Variants in FAM107B observed in about 807,000 individuals in gnomAD.
FAM107B encodes the protein protein FAM107B.
Under a neutral mutation model 31.5 loss-of-function variants are expected in FAM107B, and 21 were observed. That is an observed-to-expected ratio of 0.67 (90% CI 0.47 to 0.96). The LOEUF is 0.96. FAM107B is among the 40% of genes least tolerant of loss of function. The pLI, the probability that FAM107B is intolerant of heterozygous loss-of-function variation, is 0.00. For missense variants in FAM107B, 452 were observed against 377.1 expected (o/e 1.20, Z -1.64); for synonymous variants, 157 against 141.5 (o/e 1.11, Z -0.78).
chr10:14,644,911 A>C (rs1264422945), intron 2 of FAM107B, among the ~76,000 whole-genome samples: 1 of 152,220 alleles, frequency 6.6e-6, no homozygotes, highest in African/African-American at 2.4e-5. Context: ...AAGAAGGGAT[A>C]TACATAGCAT....
chr10:14,630,419 A>G (rs1386447975), intron 2 of FAM107B, among the ~76,000 whole-genome samples: 11 of 152,178 alleles, frequency 7.2e-5, no homozygotes, highest in Non-Finnish European at 1.0e-4. Flanking sequence ...CAAGAAAAAA[A>G]AATGCACTGA....
intron 2 of FAM107B, among the ~76,000 whole-genome samples, chr10:14,604,025 G>T (rs955269690): frequency 1.9e-4 from 28 of 145,806 alleles, no homozygotes; most frequent in African/African-American, 6.9e-4. Context: ...CGGCCCCGCC[G>T]CGTGCCCGCC....
chr10:14,634,166 G>A (rs759772058), intron 2 of FAM107B, among the ~76,000 whole-genome samples: 1 of 152,198 alleles, frequency 6.6e-6, no homozygotes, highest in African/African-American at 2.4e-5. Context: ...GGAGGCCAAG[G>A]TGGGTGGATC....
intron 1 of FAM107B, among the ~76,000 whole-genome samples, chr10:14,688,456 T>TAC (rs1480654484): frequency 5.3e-5 from 8 of 152,218 alleles, no homozygotes; most frequent in African/African-American, 1.9e-4. Context: ...CAGGCATGCA[T>TAC]ACACACACAT....
intron 2 of FAM107B, among the ~76,000 whole-genome samples, chr10:14,570,233 G>GGTGTGTGTGTGTGTGTGT (rs57206586): frequency 4.3e-5 from 6 of 140,426 alleles, no homozygotes; most frequent in South Asian, 4.4e-4. Context: ...AAATGTGGTG[G>GGTGTGTGTGTGTGTGTGT]GTGTGTGTGT....
At chr10:14,697,775 G>C (rs1247223474) in intron 1 of FAM107B, among the ~76,000 whole-genome samples, 2 of 152,178 alleles carry the variant, frequency 1.3e-5, no homozygotes, top group Admixed American at 1.3e-4. Context: ...CTTTATTGCT[G>C]TGAGGCCACT....
chr10:14,521,258 C>T lies in FAM107B; in HGVS notation c.853G>A (p.Glu285Lys). The T allele has an allele frequency of 2.5e-6, 4 of 1,614,090 alleles. No homozygotes were observed. The highest frequency in any genetic ancestry group is 3.4e-6 in the Non-Finnish European group (4 of 1,180,000). ...KLQEEQENAP[E>K]FVKVKGNLRR... ...AGATTGCCTTTCACCTTCACAAACTCGGGGGCATTTTCTTGCTCTTCTTGC... is the reference window on the plus strand; with the variant it reads ...AGATTGCCTTTCACCTTCACAAACTTGGGGGCATTTTCTTGCTCTTCTTGC... The change falls in exon 5 of 5, where the codon GAG becomes AAG. Residue 285 changes from glutamate (E) to lysine (K), a missense_variant. Transcript: ENST00000181796.
At chr10:14,737,108 C>T (rs1194458638) in intron 1 of FAM107B, among the ~76,000 whole-genome samples, 4 of 152,096 alleles carry the variant, frequency 2.6e-5, no homozygotes, top group Non-Finnish European at 5.9e-5. Flanking sequence ...TCTCGGAGCA[C>T]CACCAAGCCA....
intron 1 of FAM107B, among the ~76,000 whole-genome samples, chr10:14,759,016 T>C (rs975784019): frequency 2.0e-5 from 3 of 150,472 alleles, no homozygotes; most frequent in Non-Finnish European, 3.0e-5. Flanking sequence ...CCATCTCTAC[T>C]AAAAATACAA....
At chr10:14,578,134 G>A (rs1054258712) in intron 2 of FAM107B, among the ~76,000 whole-genome samples, 8 of 152,066 alleles carry the variant, frequency 5.3e-5, no homozygotes, top group Admixed American at 1.3e-4. Flanking sequence ...AAATGGTAAC[G>A]AACTCCGCTT....
intron 2 of FAM107B, among the ~76,000 whole-genome samples, chr10:14,623,238 G>A (rs185380514): frequency 9.9e-4 from 150 of 152,206 alleles, no homozygotes; most frequent in Middle Eastern, 3.4e-3. Flanking sequence ...TAAGGCAAAC[G>A]CACCTTATTC....
At chr10:14,715,399 A>C (rs1385097769) in intron 1 of FAM107B, among the ~76,000 whole-genome samples, 2 of 152,226 alleles carry the variant, frequency 1.3e-5, no homozygotes, top group Non-Finnish European at 2.9e-5. Context: ...AAGATAGAAA[A>C]ATATAAGAAA....
rs559781950 is a variant in FAM107B, at chr10:14,546,916, C to T, written c.470-16401G>A. Among the ~76,000 whole-genome samples, 5 of 152,294 alleles carry T rather than the reference C, an allele frequency of 3.3e-5. No individual in the cohort carries two copies. In the East Asian group the frequency reaches 5.8e-4, roughly 18 times the overall value. ...AATAACCAGATGCCCCCTTTTCTCA[C>T]CAACATGTATGATTGCAAATTCTTT... is the stretch of plus-strand genomic sequence containing the variant. On this transcript the variant is annotated intron_variant, in intron 2 of 4. Coordinates refer to ENST00000181796, the MANE Select transcript of FAM107B (RefSeq NM_031453.4).
At chr10:14,718,548 G>A (rs547906722) in intron 1 of FAM107B, among the ~76,000 whole-genome samples, 69 of 150,762 alleles carry the variant, frequency 4.6e-4, no homozygotes, top group Admixed American at 4.0e-4. Flanking sequence ...AGAGAGAGAG[G>A]AAGGAAGGAA....
At chr10:14,587,565 TAC>T (rs1349154763) in intron 2 of FAM107B, among the ~76,000 whole-genome samples, 2 of 152,212 alleles carry the variant, frequency 1.3e-5, no homozygotes, top group Non-Finnish European at 2.9e-5. Flanking sequence ...GAATTTGTCT[TAC>T]ACAAACATCC....
At chr10:14,682,244 T>C (rs1854853889) in intron 1 of FAM107B, among the ~76,000 whole-genome samples, 1 of 152,178 alleles carries the variant, frequency 6.6e-6, no homozygotes, top group Non-Finnish European at 1.5e-5. Flanking sequence ...TCAAGGAAGC[T>C]TGGGCTGGCT....
At chr10:14,559,193 C>T (rs919731577) in intron 2 of FAM107B, among the ~76,000 whole-genome samples, 2 of 151,668 alleles carry the variant, frequency 1.3e-5, no homozygotes, top group Non-Finnish European at 2.9e-5. Context: ...GCCACAAGTA[C>T]AACACGGCCT....
At chr10:14,583,161 G>A (rs575390857) in intron 2 of FAM107B, among the ~76,000 whole-genome samples, 1 of 152,040 alleles carries the variant, frequency 6.6e-6, no homozygotes, top group East Asian at 1.9e-4. Flanking sequence ...GGTGGGCCCG[G>A]CAGTCTCATT....
At chr10:14,537,477 C>T (rs938946266) in intron 2 of FAM107B, among the ~76,000 whole-genome samples, 7 of 152,084 alleles carry the variant, frequency 4.6e-5, no homozygotes, top group Non-Finnish European at 7.4e-5. Context: ...TAAGGGCCTT[C>T]GCCAGTTTAA....
Sources: allele counts gnomAD v4.1 joint callset (sites outside exome capture counted in the v4.1 genomes callset), GRCh38; gene constraint gnomAD v4.1.1; transcripts MANE v1.5; gene names NCBI Gene and HGNC (gene_info 2026-07-23, HGNC 2026-07-21).